R3HDM2: variants seen among roughly 807,000 people sequenced by gnomAD.
The protein encoded by R3HDM2 is R3H domain containing 2.
Under a neutral mutation model 124.5 loss-of-function variants are expected in R3HDM2, and 38 were observed. The ratio of observed to expected loss-of-function variants is 0.31; its 90% confidence interval spans 0.24 to 0.40. The LOEUF (loss-of-function observed/expected upper bound fraction) is 0.40, where lower values mean the gene tolerates loss of function less well. R3HDM2 is among the 10% of genes least tolerant of loss of function. The pLI is 1.00. For missense variants in R3HDM2, 869 were observed against 1,236.9 expected, an observed-to-expected ratio of 0.70 and a Z score of 4.46; for synonymous variants, 391 against 448.0, an observed-to-expected ratio of 0.87 and a Z score of 1.61.
At position 57,430,735 on chromosome 12, in the gene R3HDM2, G is replaced by A; in HGVS notation, c.-121C>T. The A allele has an allele frequency of 7.7e-6, 2 of 259,688 alleles. No individual in the cohort carries two copies. The highest frequency in any genetic ancestry group is 1.2e-5 in the Non-Finnish European group (2 of 168,180). 16.1% of individuals were successfully genotyped at this position (259,688 alleles called of 1,614,324 possible). A position where few individuals can be genotyped will look rare whatever the true frequency, so the allele number is the denominator to read the frequency against. On this transcript the variant is annotated 5_prime_UTR_variant, in exon 1 of 24. Transcript: ENST00000402412. ...GTGGCCTCACCTCGCACGGGCCTTGGCGGGGAGGGCGCCCACGTCTCCGCC... is the reference window on the plus strand; with the variant it reads ...GTGGCCTCACCTCGCACGGGCCTTGACGGGGAGGGCGCCCACGTCTCCGCC...
intron 1 of R3HDM2, among the ~76,000 whole-genome samples, chr12:57,403,036 T>G (rs2068184947): frequency 6.6e-6 from 1 of 152,028 alleles, no homozygotes; most frequent in African/African-American, 2.4e-5. Flanking sequence ...GAGAGAGGCG[T>G]AGGAAGTGAC....
At chr12:57,429,776 G>T in intron 1 of R3HDM2, among the ~76,000 whole-genome samples, 1 of 137,784 alleles carries the variant, frequency 7.3e-6, no homozygotes, top group Non-Finnish European at 1.6e-5. Flanking sequence ...GGGGGTGGGG[G>T]GGGAATATTG....
chr12:57,294,251 C>A (rs2049249139), intron 10 of R3HDM2, among the ~76,000 whole-genome samples: 1 of 152,258 alleles, frequency 6.6e-6, no homozygotes, highest in Non-Finnish European at 1.5e-5. Flanking sequence ...TGGATCAAGC[C>A]TGAAGCTGAG....
chr12:57,269,374 C>A lies in R3HDM2; in HGVS notation c.1663G>T (p.Ala555Ser). 1 of 1,614,086 alleles carries A rather than the reference C, an allele frequency of 6.2e-7. No individual in the cohort carries two copies. Residue 555 changes from alanine to serine, a missense_variant, in exon 16 of 24, where the codon GCC (alanine) becomes TCC (serine). By Grantham distance (99) the Ala-to-Ser change is moderately conservative (BLOSUM62 1). Around this residue, in one of 2 missense-constraint regions of R3HDM2, gnomAD observed 602 missense variants for 789.2 expected, o/e 0.76. Coordinates refer to ENST00000402412, the MANE Select transcript of R3HDM2 (RefSeq NM_001394031.1). ...TGCTGACCACGTTGGGGGCTATAGGCCACCGGGTGAGAGAGAGGTCGATAT... is the reference window on the plus strand; with the variant it reads ...TGCTGACCACGTTGGGGGCTATAGGACACCGGGTGAGAGAGAGGTCGATAT... ...QQYRPLSHPV[A>S]YSPQRGQQLP... is the part of the protein sequence containing the mutation.
At chr12:57,360,056 T>A (rs1258138716) in intron 2 of R3HDM2, among the ~76,000 whole-genome samples, 4 of 143,896 alleles carry the variant, frequency 2.8e-5, no homozygotes, top group African/African-American at 1.0e-4. Flanking sequence ...TATTTTTTTT[T>A]TTTTTTTGGT....
chr12:57,328,501 T>C (rs2057651040), intron 2 of R3HDM2, among the ~76,000 whole-genome samples: 1 of 151,998 alleles, frequency 6.6e-6, no homozygotes, highest in South Asian at 2.1e-4. Context: ...CAGATGATTA[T>C]TAGAATATTT....
At chr12:57,412,510 C>A (rs538659124) in intron 1 of R3HDM2, among the ~76,000 whole-genome samples, 1 of 152,036 alleles carries the variant, frequency 6.6e-6, no homozygotes, top group African/African-American at 2.4e-5. Flanking sequence ...CTACTGCACT[C>A]CAGCCTGGGC....
chr12:57,259,444 G>A (rs1010571622), intron 19 of R3HDM2, among the ~76,000 whole-genome samples: 2 of 152,248 alleles, frequency 1.3e-5, no homozygotes, highest in African/African-American at 4.8e-5. Context: ...CTGCAGACAC[G>A]TGCAGGCTTT....
intron 2 of R3HDM2, among the ~76,000 whole-genome samples, chr12:57,314,427 C>T (rs768061806): frequency 5.3e-5 from 8 of 151,574 alleles, no homozygotes; most frequent in Admixed American, 1.3e-4. Context: ...TGCGGTGAGC[C>T]GAGATTGTGC....
chr12:57,417,564 G>C (rs1027769216), intron 1 of R3HDM2, among the ~76,000 whole-genome samples: 1 of 152,064 alleles, frequency 6.6e-6, no homozygotes, highest in Non-Finnish European at 1.5e-5. Context: ...TGTATAATTT[G>C]TTACTATACT....
chr12:57,377,432 G>C (rs1435181120), intron 2 of R3HDM2, among the ~76,000 whole-genome samples: 1 of 151,908 alleles, frequency 6.6e-6, no homozygotes, highest in Non-Finnish European at 1.5e-5. Flanking sequence ...TTTGAACATG[G>C]GACCCATGAG....
intron 3 of R3HDM2, among the ~76,000 whole-genome samples, chr12:57,309,830 C>A (rs1168577035): frequency 6.6e-6 from 1 of 152,132 alleles, no homozygotes; most frequent in African/African-American, 2.4e-5. Context: ...GGGAAGATTT[C>A]TTTTGAGAGT....
At chr12:57,366,414 T>C (rs138051201) in intron 2 of R3HDM2, among the ~76,000 whole-genome samples, 2 of 152,354 alleles carry the variant, frequency 1.3e-5, no homozygotes, top group East Asian at 1.9e-4. Context: ...CTGCTGTAAA[T>C]CCTGGGCACT....
intron 2 of R3HDM2, among the ~76,000 whole-genome samples, chr12:57,372,419 G>A (rs547321471): frequency 6.6e-6 from 1 of 152,258 alleles, no homozygotes; most frequent in East Asian, 1.9e-4. Context: ...GGGGGTGTGG[G>A]GGGAATCAGG....
At chr12:57,284,297 T>A (rs1398729272) in intron 12 of R3HDM2, among the ~76,000 whole-genome samples, 1 of 152,136 alleles carries the variant, frequency 6.6e-6, no homozygotes, top group East Asian at 1.9e-4. Flanking sequence ...GGCAACTAAT[T>A]TAATACATCA....
intron 1 of R3HDM2, among the ~76,000 whole-genome samples, chr12:57,427,596 G>A (rs998057681): frequency 2.6e-5 from 4 of 151,720 alleles, no homozygotes; most frequent in East Asian, 2.0e-4. Context: ...GTGATGCCCC[G>A]TCCTTGGCCT....
chr12:57,384,758 G>C (rs1320848102), intron 2 of R3HDM2, among the ~76,000 whole-genome samples: 1 of 152,114 alleles, frequency 6.6e-6, no homozygotes, highest in African/African-American at 2.4e-5. Flanking sequence ...TACATCATCA[G>C]ATTTCTATTT....
At position 57,281,093 on chromosome 12, in the gene R3HDM2, G is replaced by T. The variant is rs534208954; in HGVS notation, c.1172-563C>A. On this transcript the variant is annotated intron_variant, in intron 13 of 23. Transcript: ENST00000402412. The stretch of plus-strand genomic sequence containing the variant: ...AGGTCAGGAGTTTGAGACCAGCCTG[G>T]CCAACCAACATAGTGAAACTCCGTC... 2.0e-3 allele frequency among the ~76,000 whole-genome samples: 309 copies of T among 152,062 alleles called. 1 individual carries two copies. The highest frequency in any genetic ancestry group is 6.8e-3 in the African/African-American group (284 of 41,470).
rs78459878 is a variant in R3HDM2 at position 57,347,440 on chromosome 12, C to T, written c.-35-36977G>A. ...TAGATAAATTACAAAGATTAAAATC[C>T]AATACTACAAAGGTTCAAATCACTC... On this transcript the variant is annotated intron_variant, in intron 2 of 23. Coordinates refer to ENST00000402412, the MANE Select transcript of R3HDM2 (RefSeq NM_001394031.1). Among the ~76,000 whole-genome samples, 393 of 151,854 alleles carry T rather than the reference C, an allele frequency of 2.6e-3. 2 individuals are homozygous for T. Among genetic ancestry groups the T allele is most frequent in the East Asian group, 0.016 (82 of 5,166 alleles).
Sources: allele counts gnomAD v4.1 joint callset (sites outside exome capture counted in the v4.1 genomes callset), GRCh38; gene constraint gnomAD v4.1.1; regional missense constraint gnomAD v4.1.1; transcripts MANE v1.5; gene names NCBI Gene and HGNC (gene_info 2026-07-23, HGNC 2026-07-21).